MALT1: variants seen among roughly 807,000 people sequenced by gnomAD.
MALT1 encodes the protein mucosa-associated lymphoid tissue lymphoma translocation protein 1.
Under a neutral mutation model 85.5 loss-of-function variants are expected in MALT1, and 36 were observed. The observed-to-expected ratio is 0.42, with a 90% confidence interval of 0.32 to 0.56. The LOEUF (loss-of-function observed/expected upper bound fraction) is 0.56. Ranked by LOEUF, MALT1 falls within the 20% of genes least tolerant of loss-of-function variation. MALT1 has a pLI of 0.10. For missense variants in MALT1, 716 were observed against 981.6 expected, an observed-to-expected ratio of 0.73 and a Z score of 3.62; for synonymous variants, 359 against 361.3, an observed-to-expected ratio of 0.99 and a Z score of 0.07.
In MALT1 at chr18:58,685,841, C is replaced by T. The variant is rs74741669; in HGVS notation, c.376+4505C>T. Among the ~76,000 whole-genome samples the T allele has an allele frequency of 5.5e-3, 843 of 152,098 alleles. 9 individuals are homozygous for T. Among genetic ancestry groups the T allele is most frequent in the African/African-American group, 0.019 (798 of 41,488 alleles). ...GTTTCCCTACTTTTATTCCTTTGCT[C>T]ATCTCAGTGGGAATTGTAGAAGGGG... is the stretch of plus-strand genomic sequence containing the variant. On this transcript the variant is annotated intron_variant, in intron 2 of 16. Coordinates refer to ENST00000649217, the MANE Select transcript of MALT1 (RefSeq NM_006785.4).
Position 58,748,094 on chromosome 18 carries a change from A to C in MALT1, c.*252A>C, listed in dbSNP as rs1282673313. ...GAAGTATGGAGGTGTGTATGTTTAT[A>C]TGTATATAACAAAATATTTTCATTG... On this transcript the variant is annotated 3_prime_UTR_variant, in exon 17 of 17. Transcript: ENST00000649217. The C allele has an allele frequency of 2.2e-6, 1 of 461,898 alleles. No homozygotes were observed. The highest frequency in any genetic ancestry group is 3.9e-6 in the Non-Finnish European group (1 of 255,388). 28.6% of individuals were successfully genotyped at this position (461,898 alleles called of 1,614,324 possible). A position where few individuals can be genotyped will look rare whatever the true frequency, so the allele number is the denominator to read the frequency against.
chr18:58,684,294 C>T (rs2054365534), intron 2 of MALT1, among the ~76,000 whole-genome samples: 1 of 152,086 alleles, frequency 6.6e-6, no homozygotes, highest in African/African-American at 2.4e-5. Context: ...GTATAATATC[C>T]TTAGGAATTG....
chr18:58,716,819 T>C (rs7234035), intron 9 of MALT1, among the ~76,000 whole-genome samples: 36,930 of 152,074 alleles, frequency 0.24, 4,575 homozygotes, highest in Middle Eastern at 0.34. Flanking sequence ...AAGTATCTGT[T>C]GAGACTGTGT....
intron 2 of MALT1, among the ~76,000 whole-genome samples, chr18:58,693,314 C>T (rs1426628134): frequency 3.3e-5 from 5 of 152,054 alleles, no homozygotes. Context: ...CCCAGCCACT[C>T]GGGAGGCTGA....
At chr18:58,688,328 G>T (rs9951899) in intron 2 of MALT1, among the ~76,000 whole-genome samples, 1 of 62,448 alleles carries the variant, frequency 1.6e-5, no homozygotes, top group African/African-American at 6.6e-5. Context: ...ACACACACAC[G>T]CTTATTAATA....
chr18:58,729,179 C>T lies in MALT1; in HGVS notation c.1223-4218C>T, dbSNP rs532055603. Reference sequence around the variant, plus strand: ...AATAATAGTGAATAAAGATCATGATCTGTCCTCCTAAGAAAATTACAGTCC... The same window carrying T: ...AATAATAGTGAATAAAGATCATGATTTGTCCTCCTAAGAAAATTACAGTCC... On this transcript the variant is annotated intron_variant, in intron 10 of 16. Transcript: ENST00000649217. Among the ~76,000 whole-genome samples the T allele has an allele frequency of 3.7e-3, 560 of 152,224 alleles. 3 individuals carry two copies. The highest frequency in any genetic ancestry group is 0.013 in the African/African-American group (537 of 41,538).
chr18:58,733,695 A>G, intron 11 of MALT1, 121 bp downstream of exon 11: 8 of 845,450 alleles, frequency 9.5e-6, no homozygotes, highest in Non-Finnish European at 1.4e-5. Context: ...ATACATTGAA[A>G]CTGGAAGAAC....
chr18:58,675,018 A>C (rs924499967), intron 1 of MALT1, among the ~76,000 whole-genome samples: 5 of 152,204 alleles, frequency 3.3e-5, no homozygotes, highest in African/African-American at 1.2e-4. Flanking sequence ...ACTCAGAGTA[A>C]ATCCTTGTTG....
intron 11 of MALT1, 109 bp from the exon 12 acceptor site, chr18:58,734,198 A>G (rs2055193414): frequency 3.8e-6 from 4 of 1,059,660 alleles, no homozygotes; most frequent in Non-Finnish European, 5.4e-6. Context: ...TATAATTTTA[A>G]ATTATGTATT....
At chr18:58,708,067 T>G (rs909370851) in intron 4 of MALT1, among the ~76,000 whole-genome samples, 2 of 152,190 alleles carry the variant, frequency 1.3e-5, no homozygotes, top group Non-Finnish European at 1.5e-5. Context: ...CCTGCCTAGC[T>G]GCCTTGCCCC....
chr18:58,732,118 T>C (rs1029479989), intron 10 of MALT1, among the ~76,000 whole-genome samples: 1 of 152,170 alleles, frequency 6.6e-6, no homozygotes, highest in African/African-American at 2.4e-5. Flanking sequence ...ATTAGCTACT[T>C]TTGGTTCCCT....
chr18:58,743,823 C>T (rs1362549105), intron 14 of MALT1, among the ~76,000 whole-genome samples: 1 of 152,080 alleles, frequency 6.6e-6, no homozygotes, highest in Non-Finnish European at 1.5e-5. Context: ...ACATGTTATG[C>T]TGAAACTTTA....
At chr18:58,693,440 A>G (rs1480655679) in intron 2 of MALT1, among the ~76,000 whole-genome samples, 1 of 152,240 alleles carries the variant, frequency 6.6e-6, no homozygotes, top group East Asian at 1.9e-4. Flanking sequence ...AAGCAATAAA[A>G]GATCTAGCTA....
chr18:58,722,952 A>C (rs2055004107), intron 9 of MALT1, 96 bp from the exon 10 acceptor site: 1 of 758,294 alleles, frequency 1.3e-6, no homozygotes, highest in Non-Finnish European at 2.1e-6. Flanking sequence ...AAATAATGCA[A>C]TCTTAAAGCA....
chr18:58,721,319 G>T (rs1221190046), intron 9 of MALT1, among the ~76,000 whole-genome samples: 1 of 152,170 alleles, frequency 6.6e-6, no homozygotes, highest in South Asian at 2.1e-4. Context: ...GCAGAAGGTT[G>T]CAGTGAGCTG....
chr18:58,684,523 C>G (rs1433778483), intron 2 of MALT1, among the ~76,000 whole-genome samples: 1 of 144,988 alleles, frequency 6.9e-6, no homozygotes, highest in Non-Finnish European at 1.5e-5. Context: ...TTTGGCTCAC[C>G]GCAACCTCTG....
Position 58,738,245 on chromosome 18 carries a change from C to T in MALT1, c.1603+2916C>T, listed in dbSNP as rs550641897. On this transcript the variant is annotated intron_variant, in intron 13 of 16. Coordinates refer to ENST00000649217, the MANE Select transcript of MALT1 (RefSeq NM_006785.4). ...TAACTTCATAAAAAGGTATTATGCT[C>T]TATGTAGTCTTTTGGGACTAGATTT... Among the ~76,000 whole-genome samples, 9 of 152,268 alleles carry T rather than the reference C, an allele frequency of 5.9e-5. No homozygotes were observed. In the South Asian group the frequency reaches 1.9e-3, roughly 32 times the overall value.
At chr18:58,709,254 C>T in intron 4 of MALT1, 124 bp from the exon 5 acceptor site, 1 of 596,554 alleles carries the variant, frequency 1.7e-6, no homozygotes. Context: ...TTTTTTTAAA[C>T]AGTTTGGGAA....
intron 1 of MALT1, chr18:58,672,109 A>AC (rs1341224912): frequency 3.2e-6 from 1 of 316,380 alleles, no homozygotes; most frequent in Non-Finnish European, 5.7e-6. Flanking sequence ...CCCTGTTCCC[A>AC]CCCCCGCCCC....
Sources: allele counts gnomAD v4.1 joint callset (sites outside exome capture counted in the v4.1 genomes callset), GRCh38; gene constraint gnomAD v4.1.1; transcripts MANE v1.5; gene names NCBI Gene and HGNC (gene_info 2026-07-23, HGNC 2026-07-21).